SEC14L2: variants seen among roughly 807,000 people sequenced by gnomAD.
The protein encoded by SEC14L2 is SEC14-like protein 2.
A neutral mutation model predicts 56.9 loss-of-function variants in SEC14L2; 50 were observed. The ratio of observed to expected loss-of-function variants is 0.88; its 90% CI spans 0.70 to 1.11. SEC14L2 has a LOEUF of 1.11. Among genes scored for constraint, SEC14L2 ranks in the 50% most tolerant of loss-of-function variants. The pLI is 0.00. For missense variants in SEC14L2, 414 were observed against 500.7 expected, an observed-to-expected ratio of 0.83 and a Z score of 1.65; for synonymous variants, 179 against 188.5, an observed-to-expected ratio of 0.95 and a Z score of 0.41.
At chr22:30,398,631 C>T (rs1947257037) in intron 1 of SEC14L2, 1 of 459,998 alleles carries the variant, frequency 2.2e-6, no homozygotes, top group Admixed American at 2.4e-5. Flanking sequence ...TTCCCTCCAC[C>T]TGAGTTGCCC....
chr22:30,402,486 G>C (rs1933966969), intron 2 of SEC14L2, among the ~76,000 whole-genome samples: 1 of 152,140 alleles, frequency 6.6e-6, no homozygotes, highest in Admixed American at 6.5e-5. Flanking sequence ...ATTCTCATTT[G>C]CCAGATGAGA....
intron 2 of SEC14L2, 60 bp downstream of exon 2, chr22:30,399,778 C>A: frequency 2.0e-6 from 3 of 1,468,856 alleles, no homozygotes; most frequent in Non-Finnish European, 2.8e-6. Flanking sequence ...AACAGAATAG[C>A]ACCCTCTGAA....
At chr22:30,404,537 T>C (rs1032855748) in intron 2 of SEC14L2, among the ~76,000 whole-genome samples, 1 of 152,108 alleles carries the variant, frequency 6.6e-6, no homozygotes, top group Non-Finnish European at 1.5e-5. Flanking sequence ...ACAGAGGACA[T>C]ACAACTGGGA....
intron 8 of SEC14L2, 76 bp from the exon 9 acceptor site, chr22:30,415,683 G>A (rs1042987499): frequency 5.3e-6 from 7 of 1,318,394 alleles, no homozygotes; most frequent in African/African-American, 1.4e-5. Flanking sequence ...CCTCTTTAGT[G>A]TAGACCACTA....
chr22:30,399,530 A>AG, intron 1 of SEC14L2, 113 bp from the exon 2 acceptor site: 1 of 561,832 alleles, frequency 1.8e-6, no homozygotes, highest in African/African-American at 1.9e-5. Flanking sequence ...AAAAAAAAAA[A>AG]AAAAAAAGAA....
chr22:30,405,831 C>T (rs940577867), intron 2 of SEC14L2, among the ~76,000 whole-genome samples: 1 of 152,050 alleles, frequency 6.6e-6, no homozygotes, highest in Non-Finnish European at 1.5e-5. Context: ...TGCATGCCAC[C>T]ACCTGTAGCT....
chr22:30,411,987 G>A (rs1004884439), intron 8 of SEC14L2, among the ~76,000 whole-genome samples: 8 of 152,184 alleles, frequency 5.3e-5, no homozygotes, highest in Non-Finnish European at 1.0e-4. Flanking sequence ...CTGCTTGGCA[G>A]AAAGAAGAGC....
Position 30,416,054 on chromosome 22 carries a change from A to C in SEC14L2, c.878A>C (p.Glu293Ala), listed in dbSNP as rs916030056. 1.2e-6 allele frequency: 2 copies of C among 1,614,232 alleles called. No homozygotes were observed. The highest frequency in any genetic ancestry group is 1.7e-5 in the Admixed American group (1 of 60,034). The change falls in exon 10 of 12, where the codon GAG (glutamate) becomes GCG (alanine). Residue 293 changes from glutamate to alanine, a missense_variant. Transcript: ENST00000615189. ...QISRGSSHQV[E>A]YEILFPGCVL... Reference sequence around the variant, plus strand: ...TCCCGTGGCTCCTCCCACCAAGTGGAGTATGAGATCCTCTTCCCTGGCTGT... The same window carrying C: ...TCCCGTGGCTCCTCCCACCAAGTGGCGTATGAGATCCTCTTCCCTGGCTGT...
chr22:30,409,017 A>AGACCACAAT (rs1421993206), intron 5 of SEC14L2, 170 bp from the exon 6 acceptor site: 1 of 715,096 alleles, frequency 1.4e-6, no homozygotes, highest in Non-Finnish European at 2.6e-6. Flanking sequence ...TGACTCGCCT[A>AGACCACAAT]GACCACAATT....
At chr22:30,418,976 C>T (rs778420729) in intron 11 of SEC14L2, among the ~76,000 whole-genome samples, 40 of 152,182 alleles carry the variant, frequency 2.6e-4, no homozygotes, top group Non-Finnish European at 5.1e-4. Flanking sequence ...GAATTGATTT[C>T]GCTTTTGTTT....
Position 30,407,495 on chromosome 22 carries a change from T to G in SEC14L2, c.315T>G (p.Pro105=). ...CAGTCTGGTACGACATAATTGGACC[T>G]CTGGATGCCAAGGGTCTGCTGTTCT... ...GCPVWYDIIG[P]LDAKGLLFSA... The change falls in exon 5 of 12, where the codon CCT becomes CCG. Residue 105 remains proline, a synonymous_variant. Coordinates refer to ENST00000615189, the MANE Select transcript of SEC14L2 (RefSeq NM_012429.5). The G allele has an allele frequency of 1.2e-6, 2 of 1,614,192 alleles. No individual in the cohort carries two copies. Among genetic ancestry groups the G allele is most frequent in the Non-Finnish European group, 1.7e-6 (2 of 1,180,030 alleles).
chr22:30,398,148 C>T (rs1416830331), intron 1 of SEC14L2, among the ~76,000 whole-genome samples: 1 of 152,210 alleles, frequency 6.6e-6, no homozygotes, highest in African/African-American at 2.4e-5. Flanking sequence ...CTGTCCCAGG[C>T]TGGGCCTCCC....
intron 5 of SEC14L2, among the ~76,000 whole-genome samples, chr22:30,408,838 GTC>G (rs1459349510): frequency 6.6e-6 from 1 of 152,230 alleles, no homozygotes; most frequent in Non-Finnish European, 1.5e-5. Flanking sequence ...TGCACAGAAC[GTC>G]TGTCCTCGGG....
In SEC14L2 at chr22:30,405,601, G is replaced by A. The variant is rs369710096; in HGVS notation, c.131-741G>A. On this transcript the variant is annotated intron_variant, in intron 2 of 11. Coordinates refer to ENST00000615189, the MANE Select transcript of SEC14L2 (RefSeq NM_012429.5). ...TGAGGACATGACAAGGTTGGGTGGA[G>A]GCTCATCAACCCCTCTATCCCACTG... Among the ~76,000 whole-genome samples the A allele has an allele frequency of 2.4e-4, 37 of 152,288 alleles. No homozygotes were observed. The South Asian group carries it at 7.5e-3, about 31-fold the overall frequency.
intron 11 of SEC14L2, among the ~76,000 whole-genome samples, chr22:30,420,132 T>C (rs937872389): frequency 3.3e-5 from 5 of 152,254 alleles, no homozygotes; most frequent in Middle Eastern, 3.4e-3. Flanking sequence ...TTTGTATTTT[T>C]AGTAGAGATG....
chr22:30,410,300 C>A (rs1169189002), intron 7 of SEC14L2, among the ~76,000 whole-genome samples: 1 of 152,208 alleles, frequency 6.6e-6, no homozygotes, highest in Non-Finnish European at 1.5e-5. Flanking sequence ...CCTTCACATA[C>A]GCAGACTACT....
chr22:30,397,033 G>A lies in SEC14L2; in HGVS notation c.-84G>A. On this transcript the variant is annotated 5_prime_UTR_variant, in exon 1 of 12. Transcript: ENST00000615189. ...AAAAGGCTGGGACTTTACTCCGGGT[G>A]GCGGCGAGGACGAGTCTGTGCTCCA... The A allele has an allele frequency of 1.6e-6, 2 of 1,253,224 alleles. No homozygotes were observed. Among genetic ancestry groups the A allele is most frequent in the Admixed American group, 2.0e-5 (1 of 49,746 alleles). 77.6% of individuals were successfully genotyped at this position (1,253,224 alleles called of 1,614,324 possible).
chr22:30,409,324 G>A (rs776827313), intron 6 of SEC14L2, 42 bp downstream of exon 6: 27 of 1,603,334 alleles, frequency 1.7e-5, no homozygotes, highest in Non-Finnish European at 1.5e-5. Context: ...GAGGGAAGGG[G>A]AGGAGGAGTA....
At chr22:30,406,032 T>C (rs954717767) in intron 2 of SEC14L2, among the ~76,000 whole-genome samples, 3 of 152,062 alleles carry the variant, frequency 2.0e-5, no homozygotes, top group African/African-American at 7.2e-5. Flanking sequence ...TCATTTTCAC[T>C]GAGAGGACGG....
Sources: gnomAD v4.1 joint callset for allele counts (sites outside exome capture counted in the v4.1 genomes callset) on GRCh38, gnomAD v4.1.1 for gene constraint, MANE v1.5 for transcripts, NCBI Gene and HGNC (gene_info 2026-07-23, HGNC 2026-07-21) for gene names.